CAV3: variants seen among roughly 807,000 people sequenced by gnomAD.
The protein encoded by CAV3 is caveolin 3, also known as caveolin-3.
In CAV3, 10 loss-of-function variants were observed where a neutral mutation model predicts 13.4. That is an observed-to-expected ratio of 0.75 (90% CI 0.46 to 1.27). CAV3 has a LOEUF of 1.27. Among genes scored for constraint, CAV3 ranks in the 50% most tolerant of loss-of-function variants. CAV3 has a pLI of 0.00. For missense variants in CAV3, 162 were observed against 194.0 expected (o/e 0.83, Z 0.98); for synonymous variants, 90 against 79.0 (o/e 1.14, Z -0.74).
In CAV3 at chr3:8,740,312, A is replaced by G. The variant is rs534231320; in HGVS notation, c.115-5214A>G. 7.6e-4 allele frequency among the ~76,000 whole-genome samples: 116 copies of G among 152,162 alleles called. 2 individuals are homozygous for G. In the South Asian group the frequency reaches 0.014, roughly 18 times the overall value. On this transcript the variant is annotated intron_variant, in intron 1 of 1. Coordinates refer to ENST00000343849, the MANE Select transcript of CAV3 (RefSeq NM_033337.3). ...AGATGGGATGAGACTACCTGAGGACAAACACCGAGAAGCATGACTAATGGA... is the reference window on the plus strand; with the variant it reads ...AGATGGGATGAGACTACCTGAGGACGAACACCGAGAAGCATGACTAATGGA...
chr3:8,738,023 T>C (rs1707819319), intron 1 of CAV3, among the ~76,000 whole-genome samples: 1 of 147,604 alleles, frequency 6.8e-6, no homozygotes, highest in South Asian at 2.1e-4. Flanking sequence ...CTTCTCTCTC[T>C]CTCTCTCCTC....
Position 8,733,870 on chromosome 3 carries a change from C to G in CAV3, c.-7C>G. The G allele has an allele frequency of 6.4e-7, 1 of 1,572,340 alleles. No homozygotes were observed. The highest frequency in any genetic ancestry group is 8.8e-7 in the Non-Finnish European group (1 of 1,141,852). The stretch of plus-strand genomic sequence containing the variant: ...GATCTCCTCCTGTGGATCCCCCCAG[C>G]TCTGCGATGATGGCAGAAGAGCACA... On this transcript the variant is annotated 5_prime_UTR_variant, in exon 1 of 2. Coordinates refer to ENST00000343849, the MANE Select transcript of CAV3 (RefSeq NM_033337.3).
At chr3:8,742,236 C>G (rs1190009886) in intron 1 of CAV3, among the ~76,000 whole-genome samples, 1 of 152,034 alleles carries the variant, frequency 6.6e-6, no homozygotes, top group Non-Finnish European at 1.5e-5. Context: ...CCAAGCCCAG[C>G]CCAGCCCTCT....
chr3:8,745,757 T>C lies in CAV3; in HGVS notation c.346T>C (p.Cys116Arg), dbSNP rs768101522. ...TAAGAGCTACCTGATCGAGATCCAGTGCATCAGCCACATCTACTCACTCTG... is the reference window on the plus strand; with the variant it reads ...TAAGAGCTACCTGATCGAGATCCAGCGCATCAGCCACATCTACTCACTCTG... ...CIKSYLIEIQ[C>R]ISHIYSLCIR... The change falls in exon 2 of 2, where the codon TGC becomes CGC. Residue 116 changes from cysteine to arginine, a missense_variant. Cys to Arg is a radical substitution (Grantham distance 180). Coordinates refer to ENST00000343849, the MANE Select transcript of CAV3 (RefSeq NM_033337.3). The surrounding 1 kb of genome is among the most constrained non-coding windows in gnomAD (Gnocchi z 4.8). 1.2e-6 allele frequency: 2 copies of C among 1,614,136 alleles called. No individual in the cohort carries two copies. The highest frequency in any genetic ancestry group is 1.7e-6 in the Non-Finnish European group (2 of 1,180,030).
At chr3:8,742,483 TC>T (rs1321323836) in intron 1 of CAV3, 1 of 456,618 alleles carries the variant, frequency 2.2e-6, no homozygotes, top group South Asian at 1.5e-5. Flanking sequence ...GAGGACTCCA[TC>T]CGTCTTATCA....
chr3:8,735,467 C>T (rs1707722091), intron 1 of CAV3, among the ~76,000 whole-genome samples: 1 of 152,186 alleles, frequency 6.6e-6, no homozygotes, highest in African/African-American at 2.4e-5. Context: ...GATTCGCATG[C>T]CTGTACTGTT....
chr3:8,743,220 C>T (rs572284877), intron 1 of CAV3, among the ~76,000 whole-genome samples: 6 of 152,192 alleles, frequency 3.9e-5, no homozygotes, highest in East Asian at 3.9e-4. Flanking sequence ...GAGATTTGGA[C>T]GGGACAAACA....
At chr3:8,737,483 G>T (rs1056792764) in intron 1 of CAV3, among the ~76,000 whole-genome samples, 3 of 151,960 alleles carry the variant, frequency 2.0e-5, no homozygotes, top group African/African-American at 7.3e-5. Context: ...CCCCTTTTTG[G>T]CCCTGCCTTT....
chr3:8,735,912 G>C (rs956249776), intron 1 of CAV3, among the ~76,000 whole-genome samples: 1 of 152,142 alleles, frequency 6.6e-6, no homozygotes, highest in Non-Finnish European at 1.5e-5. Context: ...CTGTCCCCCT[G>C]CTTCACTCAG....
chr3:8,744,960 A>G (rs1286536075), intron 1 of CAV3: 3 of 155,276 alleles, frequency 1.9e-5, no homozygotes, highest in African/African-American at 7.2e-5. Flanking sequence ...GCCCCACTCC[A>G]GACTTGGGGA....
chr3:8,740,872 G>A (rs947426380), intron 1 of CAV3, among the ~76,000 whole-genome samples: 1 of 152,220 alleles, frequency 6.6e-6, no homozygotes, highest in African/African-American at 2.4e-5. Flanking sequence ...AGGCCCTGCT[G>A]GGGTATCTGG....
chr3:8,734,113 G>A lies in CAV3; in HGVS notation c.114+123G>A, dbSNP rs113339818. ...CTGAAAAGAGACTTGTTGCTCTGTTGTCTCTGTATCACCCCCCCAACCCCA... is the reference window on the plus strand; with the variant it reads ...CTGAAAAGAGACTTGTTGCTCTGTTATCTCTGTATCACCCCCCCAACCCCA... On this transcript the variant is annotated intron_variant, in intron 1 of 1. Coordinates refer to ENST00000343849, the MANE Select transcript of CAV3 (RefSeq NM_033337.3). 6 of 701,696 alleles carry A rather than the reference G, an allele frequency of 8.6e-6. No individual in the cohort carries two copies. The South Asian group carries it at 9.0e-5, about 11-fold the overall frequency. The allele number at this position is 701,696 out of a possible 1,614,324, so 43.5% of individuals were successfully genotyped here.
At chr3:8,741,102 C>T (rs1707942453) in intron 1 of CAV3, among the ~76,000 whole-genome samples, 1 of 151,964 alleles carries the variant, frequency 6.6e-6, no homozygotes, top group Admixed American at 6.5e-5. Context: ...GTCATTTTTA[C>T]AGTTTTTGCA....
intron 1 of CAV3, among the ~76,000 whole-genome samples, chr3:8,735,333 C>G (rs562310023): frequency 3.3e-5 from 5 of 152,306 alleles, no homozygotes; most frequent in African/African-American, 9.6e-5. Context: ...AGCTATTGTA[C>G]AGTCTTCAAG....
chr3:8,745,452 T>TGCAC lies in CAV3; in HGVS notation c.115-69_115-66dup. ...CTGACCTCTAGGGGATTCTGACACA[T>TGCAC]GCACGCACACACCCAAAAGCTTGAG... On this transcript the variant is annotated intron_variant, in intron 1 of 1. Coordinates refer to ENST00000343849, the MANE Select transcript of CAV3 (RefSeq NM_033337.3). The surrounding 1 kb of genome is among the most constrained non-coding windows in gnomAD (Gnocchi z 4.8). 8.7e-7 allele frequency: 1 copy of TGCAC among 1,155,736 alleles called. No individual in the cohort carries two copies. The highest frequency in any genetic ancestry group is 1.8e-5 in the Admixed American group (1 of 57,024). 71.6% of individuals were successfully genotyped at this position (1,155,736 alleles called of 1,614,324 possible).
chr3:8,744,540 T>G (rs1708087509), intron 1 of CAV3, among the ~76,000 whole-genome samples: 2 of 150,136 alleles, frequency 1.3e-5, no homozygotes, highest in Non-Finnish European at 3.0e-5. Context: ...TTCATCCTCA[T>G]GATACCACTG....
rs576227512 is a variant in CAV3 at position 8,734,334 on chromosome 3, G to A, written c.114+344G>A. ...CACCCTGGGAGGAACAGGAACGGGC[G>A]GCCAAGTTGGGCTCCTTTCTGTGCC... On this transcript the variant is annotated intron_variant, in intron 1 of 1. Coordinates refer to ENST00000343849, the MANE Select transcript of CAV3 (RefSeq NM_033337.3). 8.5e-5 allele frequency among the ~76,000 whole-genome samples: 13 copies of A among 152,280 alleles called. No individual in the cohort carries two copies. In the East Asian group the frequency reaches 9.7e-4, roughly 11 times the overall value.
chr3:8,743,258 G>A (rs2124985612), intron 1 of CAV3, among the ~76,000 whole-genome samples: 1 of 152,294 alleles, frequency 6.6e-6, no homozygotes, highest in African/African-American at 2.4e-5. Flanking sequence ...GGTTGTGGAT[G>A]TATGGATGAA....
At position 8,745,323 on chromosome 3, in the gene CAV3, G is replaced by A. The variant is rs564559989; in HGVS notation, c.115-203G>A. On this transcript the variant is annotated intron_variant, in intron 1 of 1. Coordinates refer to ENST00000343849, the MANE Select transcript of CAV3 (RefSeq NM_033337.3). This position sits in a 1 kb window ranked among gnomAD's most constrained non-coding sequence, Gnocchi z 4.8. ...TCCTGCACAGATCACAGACCCATGG[G>A]CCAATTAAACCTCCTTTCTTTATCA... 3.9e-5 allele frequency among the ~76,000 whole-genome samples: 6 copies of A among 152,108 alleles called. No homozygotes were observed. Among genetic ancestry groups the A allele is most frequent in the Non-Finnish European group, 8.8e-5 (6 of 68,016 alleles).
Sources: allele counts gnomAD v4.1 joint callset (sites outside exome capture counted in the v4.1 genomes callset), GRCh38; gene constraint gnomAD v4.1.1; non-coding constraint Gnocchi (gnomAD v3.1); transcripts MANE v1.5; gene names NCBI Gene and HGNC (gene_info 2026-07-23, HGNC 2026-07-21).